Variants in BLTP1 observed in about 807,000 individuals in gnomAD.
BLTP1 encodes bridge-like lipid transfer protein family member 1, also known as fragile site-associated protein.
At chr4:122,274,510 T>C in the BLTP1 span, 10 of 1,543,776 alleles carry the variant, frequency 6.5e-6, no homozygotes, top group East Asian at 2.4e-5. Context: ...ATAAACATGC[T>C]GAATTTTGAG....
chr4:122,348,438 A>T, the BLTP1 span: 1 of 770,666 alleles, frequency 1.3e-6, no homozygotes, highest in Non-Finnish European at 2.0e-6. Context: ...GATAACCATT[A>T]AACATTAGAT....
the BLTP1 span, among the ~76,000 whole-genome samples, chr4:122,217,138 G>C: frequency 1.3e-5 from 2 of 152,034 alleles, no homozygotes; most frequent in African/African-American, 4.8e-5. Context: ...CTTTGTCGAT[G>C]ATCAGTTGGC....
the BLTP1 span, chr4:122,331,014 AT>A: frequency 3.1e-6 from 3 of 965,576 alleles, no homozygotes; most frequent in Non-Finnish European, 3.7e-6. Context: ...GGAAAGTAAC[AT>A]TTAAATGTTA....
the BLTP1 span, chr4:122,194,588 A>G: frequency 2.1e-6 from 2 of 971,936 alleles, no homozygotes; most frequent in Non-Finnish European, 2.4e-6. Flanking sequence ...GGTTTATTTT[A>G]TTAGGTTGGC....
chr4:122,154,065 A>T, the BLTP1 span: 3 of 985,252 alleles, frequency 3.0e-6, no homozygotes, highest in Non-Finnish European at 3.6e-6. Flanking sequence ...TATCTGAAGA[A>T]AAGTAGAAGG....
At chr4:122,357,059 T>C in the BLTP1 span, 12 of 979,904 alleles carry the variant, frequency 1.2e-5, no homozygotes, top group Non-Finnish European at 1.5e-5. Flanking sequence ...CAAATCAAAG[T>C]GAAATGACTA....
At chr4:122,219,281 G>T in the BLTP1 span, 2 of 1,574,800 alleles carry the variant, frequency 1.3e-6, no homozygotes, top group Admixed American at 1.8e-5. Context: ...AGGCTCATAG[G>T]TGAAAATATA....
chr4:122,308,517 A>T, the BLTP1 span, among the ~76,000 whole-genome samples: 1 of 152,118 alleles, frequency 6.6e-6, no homozygotes, highest in Admixed American at 6.6e-5. Context: ...AGATGGAAAT[A>T]AAAGGACATT....
the BLTP1 span, among the ~76,000 whole-genome samples, chr4:122,259,030 G>A: frequency 1.3e-5 from 2 of 150,936 alleles, no homozygotes; most frequent in African/African-American, 5.0e-5. Context: ...AACTGCTGTT[G>A]ATTAAGGACC....
chr4:122,194,663 T>C, the BLTP1 span: 2 of 834,700 alleles, frequency 2.4e-6, no homozygotes, highest in East Asian at 1.2e-4. Flanking sequence ...GGCCATGAAG[T>C]GTGTTTGCAT....
chr4:122,161,237 C>T, the BLTP1 span: 26 of 456,810 alleles, frequency 5.7e-5, 1 homozygote, highest in South Asian at 1.1e-3. Context: ...TTCATTGTTG[C>T]ATGAGGGATT....
chr4:122,282,245 A>C, the BLTP1 span: 1 of 226,082 alleles, frequency 4.4e-6, no homozygotes, highest in Non-Finnish European at 7.4e-6. Context: ...TCATGTATAC[A>C]AAGCATGTAA....
the BLTP1 span, chr4:122,271,040 C>G: frequency 6.2e-7 from 1 of 1,607,872 alleles, no homozygotes; most frequent in Non-Finnish European, 8.5e-7. Context: ...GAATCTTCCT[C>G]CACTTGAGTT....
chr4:122,353,202 T>C, the BLTP1 span: 1 of 1,582,818 alleles, frequency 6.3e-7, no homozygotes, highest in South Asian at 1.2e-5. The surrounding 1 kb of genome is among the most constrained non-coding windows in gnomAD (Gnocchi z 4.3). Flanking sequence ...TCTTCTGTTA[T>C]GACTATAAAT....
At chr4:122,154,302 A>C in the BLTP1 span, 2 of 981,018 alleles carry the variant, frequency 2.0e-6, no homozygotes, top group Non-Finnish European at 2.4e-6. Context: ...CAGCCTCCCA[A>C]GTAGCTGGGT....
At chr4:122,328,242 C>G in the BLTP1 span, 2 of 1,611,158 alleles carry the variant, frequency 1.2e-6, no homozygotes, top group Non-Finnish European at 1.7e-6. Context: ...CATTCCTTTC[C>G]AAACTGAAGA....
the BLTP1 span, chr4:122,333,516 A>C: frequency 9.1e-7 from 1 of 1,095,214 alleles, no homozygotes; most frequent in East Asian, 2.9e-5. Context: ...AGTTCATTGT[A>C]GATTCTGGAT....
At chr4:122,160,525 C>G in the BLTP1 span, among the ~76,000 whole-genome samples, 198 of 152,282 alleles carry the variant, frequency 1.3e-3, 2 homozygotes, top group African/African-American at 4.6e-3. Context: ...GCAGTAGACA[C>G]ATATTTTGTA....
At chr4:122,354,981 CAAAATGG>C in the BLTP1 span, among the ~76,000 whole-genome samples, 1 of 151,764 alleles carries the variant, frequency 6.6e-6, no homozygotes, top group Admixed American at 6.6e-5. Context: ...GACCTTTTTT[CAAAATGG>C]AAAAGATTAG....
Sources: gnomAD v4.1 joint callset for allele counts (sites outside exome capture counted in the v4.1 genomes callset) on GRCh38, gnomAD v4.1.1 for gene constraint, Gnocchi (gnomAD v3.1) non-coding constraint, MANE v1.5 for transcripts, NCBI Gene and HGNC (gene_info 2026-07-23, HGNC 2026-07-21) for gene names.